Variants in RBFOX1 observed in about 807,000 individuals in gnomAD.
The protein encoded by RBFOX1 is RNA binding protein fox-1 homolog 1.
In RBFOX1, 8 loss-of-function variants were observed where a neutral mutation model predicts 57.7. That is an observed-to-expected ratio of 0.14 (90% CI 0.08 to 0.25). The LOEUF (loss-of-function observed/expected upper bound fraction) is 0.25, where lower values mean the gene tolerates loss of function less well. RBFOX1 is among the 10% of genes least tolerant of loss of function. The probability of loss-of-function intolerance (pLI) is 1.00; values close to 1 mark genes in which losing one functional copy is unlikely to be tolerated. For missense variants in RBFOX1, 611 were observed against 548.5 expected (o/e 1.11, Z -1.14); for synonymous variants, 326 against 222.4 (o/e 1.47, Z -4.15).
chr16:5,658,463 G>C (rs2151382769), intron 3 of RBFOX1, among the ~76,000 whole-genome samples: 1 of 152,130 alleles, frequency 6.6e-6, no homozygotes, highest in South Asian at 2.1e-4. Flanking sequence ...ATGAGACTTG[G>C]GATGGTGCTT....
intron 3 of RBFOX1, among the ~76,000 whole-genome samples, chr16:5,607,336 A>G (rs1398606315): frequency 2.0e-5 from 3 of 152,170 alleles, no homozygotes; most frequent in Non-Finnish European, 2.9e-5. Context: ...CATGGTTCTG[A>G]TTAAAGGAAG....
At chr16:6,945,998 T>C (rs1350778714) in intron 3 of RBFOX1, among the ~76,000 whole-genome samples, 1 of 152,222 alleles carries the variant, frequency 6.6e-6, no homozygotes, top group Non-Finnish European at 1.5e-5. Flanking sequence ...CTGAGGTCTT[T>C]CTGGAGCCTC....
chr16:5,869,323 A>G (rs752043236), intron 4 of RBFOX1, among the ~76,000 whole-genome samples: 4 of 152,146 alleles, frequency 2.6e-5, no homozygotes, highest in Non-Finnish European at 4.4e-5. Flanking sequence ...ACACATTCTT[A>G]TATCTGCATC....
chr16:6,830,830 T>C (rs954435707), intron 3 of RBFOX1, among the ~76,000 whole-genome samples: 9 of 152,202 alleles, frequency 5.9e-5, no homozygotes, highest in Admixed American at 1.3e-4. Context: ...GTGTTGACTT[T>C]ACAATATCTG....
intron 2 of RBFOX1, among the ~76,000 whole-genome samples, chr16:5,517,358 A>G (rs2043830313): frequency 6.6e-6 from 1 of 152,182 alleles, no homozygotes; most frequent in South Asian, 2.1e-4. Flanking sequence ...TTCTCACTAT[A>G]GGCTTTCCCT....
At chr16:7,688,987 A>G (rs2076744812) in intron 14 of RBFOX1, among the ~76,000 whole-genome samples, 1 of 152,050 alleles carries the variant, frequency 6.6e-6, no homozygotes, top group Non-Finnish European at 1.5e-5. Flanking sequence ...CTTGGTCTTG[A>G]GCCAAGCCAA....
chr16:5,657,599 TCTCGCTCG>T (rs1323878899), intron 3 of RBFOX1, among the ~76,000 whole-genome samples: 1 of 146,660 alleles, frequency 6.8e-6, no homozygotes, highest in East Asian at 2.0e-4. Flanking sequence ...GTAAATTCTT[TCTCGCTCG>T]CTTTCTTTCT....
At chr16:5,315,824 G>A (rs1327805150) in intron 1 of RBFOX1, among the ~76,000 whole-genome samples, 1 of 146,968 alleles carries the variant, frequency 6.8e-6, no homozygotes, top group Non-Finnish European at 1.5e-5. Context: ...ATGCTGGGAT[G>A]TCCACCTCTG....
intron 1 of RBFOX1, among the ~76,000 whole-genome samples, chr16:6,256,211 GTATATATA>G (rs1176309761): frequency 3.6e-4 from 4 of 11,166 alleles, no homozygotes; most frequent in African/African-American, 8.5e-4. Context: ...ATGTATATGT[GTATATATA>G]TGTATATATA....
chr16:5,893,230 T>G (rs8048580), intron 4 of RBFOX1, among the ~76,000 whole-genome samples: 1 of 152,202 alleles, frequency 6.6e-6, no homozygotes, highest in Non-Finnish European at 1.5e-5. Context: ...CAACACATAA[T>G]TTTGCACTCT....
chr16:6,537,301 A>C (rs907870241), intron 2 of RBFOX1, among the ~76,000 whole-genome samples: 1 of 152,174 alleles, frequency 6.6e-6, no homozygotes, highest in Non-Finnish European at 1.5e-5. Context: ...AAGCAACAGA[A>C]ATGTATTTGT....
At position 7,482,542 on chromosome 16, in the gene RBFOX1, A is replaced by ATTT. The variant is rs1178577326; in HGVS notation, c.28-35581_28-35579dup. Among the ~76,000 whole-genome samples the ATTT allele has an allele frequency of 7.8e-3, 600 of 77,190 alleles. 35 individuals carry two copies. The highest frequency in any genetic ancestry group is 0.031 in the African/African-American group (543 of 17,248). The allele number at this position is 77,190 out of a possible 152,430, so 50.6% of individuals were successfully genotyped here. A position where few individuals can be genotyped will look rare whatever the true frequency, so the allele number is the denominator to read the frequency against. Reference sequence around the variant, plus strand: ...TGCATCTTCCCTTTGATTGCCTGGGATTTTTTTTTTTTTTTTTTTTTTTTT... The same window carrying ATTT: ...TGCATCTTCCCTTTGATTGCCTGGGATTTTTTTTTTTTTTTTTTTTTTTTTTTT... On this transcript the variant is annotated intron_variant, in intron 4 of 15. Coordinates refer to ENST00000550418, the MANE Select transcript of RBFOX1 (RefSeq NM_018723.4).
rs115020232 is a variant in RBFOX1 at position 6,413,864 on chromosome 16, G to A, written c.-64+96807G>A. ...GGGGGAACTATGGCGACAACTAAAG[G>A]CTGAAAGAGTTCAGGAGACAAAGAG... On this transcript the variant is annotated intron_variant, in intron 2 of 15. Coordinates refer to ENST00000550418, the MANE Select transcript of RBFOX1 (RefSeq NM_018723.4). Among the ~76,000 whole-genome samples, 1,361 of 152,278 alleles carry A rather than the reference G, an allele frequency of 8.9e-3. 21 individuals are homozygous for A. Among genetic ancestry groups the A allele is most frequent in the African/African-American group, 0.03 (1,266 of 41,544 alleles).
At chr16:6,205,674 CCACACAT>C (rs1177114917) in intron 1 of RBFOX1, among the ~76,000 whole-genome samples, 1 of 151,902 alleles carries the variant, frequency 6.6e-6, no homozygotes, top group Non-Finnish European at 1.5e-5. Flanking sequence ...TCTCCTGACA[CCACACAT>C]CACTGATAGG....
At chr16:5,807,996 C>T (rs1262762253) in intron 3 of RBFOX1, among the ~76,000 whole-genome samples, 1 of 152,182 alleles carries the variant, frequency 6.6e-6, no homozygotes, top group Non-Finnish European at 1.5e-5. Context: ...TGCTGTGTCT[C>T]CTGAACACCT....
chr16:6,736,364 A>T (rs1262356330), intron 3 of RBFOX1, among the ~76,000 whole-genome samples: 1 of 151,942 alleles, frequency 6.6e-6, no homozygotes, highest in Non-Finnish European at 1.5e-5. Flanking sequence ...ATGCCTTTGC[A>T]TTCTCATAGC....
At chr16:7,247,768 G>C (rs1425160920) in intron 4 of RBFOX1, among the ~76,000 whole-genome samples, 1 of 152,160 alleles carries the variant, frequency 6.6e-6, no homozygotes, top group Non-Finnish European at 1.5e-5. Context: ...GGTCGGTGCT[G>C]TTCATCTAGG....
chr16:7,217,273 CT>C (rs142196891), intron 4 of RBFOX1, among the ~76,000 whole-genome samples: 48,664 of 127,192 alleles, frequency 0.38, 10,209 homozygotes, highest in East Asian at 0.68. Flanking sequence ...GGCTAATTAT[CT>C]TTTTTTTTCT....
rs1354937671 is a variant in RBFOX1 at position 6,097,021 on chromosome 16, A to G, written c.-127+77029A>G. ...TCCCATAATTCCCATGTGTTGTGTG[A>G]GGGACTTCGTGGGAGATAACTGAAT... On this transcript the variant is annotated intron_variant, in intron 1 of 15. Transcript: ENST00000550418. This position sits in a 1 kb window ranked among gnomAD's most constrained non-coding sequence, Gnocchi z 5.0. 6.6e-6 allele frequency among the ~76,000 whole-genome samples: 1 copy of G among 152,110 alleles called. No homozygotes were observed.
Sources: allele counts gnomAD v4.1 joint callset (sites outside exome capture counted in the v4.1 genomes callset), GRCh38; gene constraint gnomAD v4.1.1; non-coding constraint Gnocchi (gnomAD v3.1); transcripts MANE v1.5; gene names NCBI Gene and HGNC (gene_info 2026-07-23, HGNC 2026-07-21).